SLC25A21: variants seen among roughly 807,000 people sequenced by gnomAD.
The protein encoded by SLC25A21 is solute carrier family 25 member 21.
A neutral mutation model predicts 43.8 loss-of-function variants in SLC25A21; 47 were observed. That is an observed-to-expected ratio of 1.07 (90% CI 0.85 to 1.37). SLC25A21 has a LOEUF of 1.37. Ranked by LOEUF, SLC25A21 falls within the 40% of genes most tolerant of loss-of-function variation. The pLI, the probability that SLC25A21 is intolerant of heterozygous loss-of-function variation, is 0.00. For missense variants in SLC25A21, 352 were observed against 350.2 expected, an observed-to-expected ratio of 1.00 and a Z score of -0.04; for synonymous variants, 131 against 121.3, an observed-to-expected ratio of 1.08 and a Z score of -0.52.
At chr14:37,108,732 T>C (rs12893523) in intron 1 of SLC25A21, among the ~76,000 whole-genome samples, 1 of 128,708 alleles carries the variant, frequency 7.8e-6, no homozygotes, top group African/African-American at 3.0e-5. Context: ...TGTGTGTGTG[T>C]GTGTGTGCGT....
chr14:36,714,702 G>C (rs543436870), intron 6 of SLC25A21, among the ~76,000 whole-genome samples: 7 of 152,336 alleles, frequency 4.6e-5, no homozygotes, highest in African/African-American at 1.4e-4. Context: ...ATTATCATAC[G>C]TGCTCAGTAC....
rs112664606 is a variant in SLC25A21, at chr14:37,117,347, T to G, written c.70+54934A>C. On this transcript the variant is annotated intron_variant, in intron 1 of 9. Transcript: ENST00000331299. ...AAAAATTTATTCCCAGAGCACAGTT[T>G]ATTTACCATAAGATGTGGCTCAGTA... 2.0e-5 allele frequency among the ~76,000 whole-genome samples: 3 copies of G among 152,326 alleles called. 1 individual carries two copies. Among genetic ancestry groups the G allele is most frequent in the African/African-American group, 4.8e-5 (2 of 41,580 alleles).
At chr14:36,780,351 T>A (rs1197354406) in intron 3 of SLC25A21, among the ~76,000 whole-genome samples, 1 of 152,040 alleles carries the variant, frequency 6.6e-6, no homozygotes, top group Non-Finnish European at 1.5e-5. Context: ...TTGATCATTG[T>A]TATTTCATAG....
At chr14:37,024,831 A>G (rs1257024083) in intron 1 of SLC25A21, among the ~76,000 whole-genome samples, 2 of 152,062 alleles carry the variant, frequency 1.3e-5, no homozygotes, top group East Asian at 3.9e-4. Flanking sequence ...CTCCTTATTT[A>G]TATATATCTA....
At chr14:37,051,305 T>C (rs1377786459) in intron 1 of SLC25A21, among the ~76,000 whole-genome samples, 2 of 152,148 alleles carry the variant, frequency 1.3e-5, no homozygotes, top group Non-Finnish European at 2.9e-5. Context: ...TGTGACAGAC[T>C]AGGGGCTTGG....
intron 3 of SLC25A21, chr14:36,809,117 G>A (rs7144852): frequency 0.42 from 63,580 of 152,026 alleles, 13,745 homozygotes; most frequent in East Asian, 0.69. Context: ...TGTTTGCCAG[G>A]TGAGTTTACA....
At chr14:36,756,590 T>C (rs1374884664) in intron 3 of SLC25A21, among the ~76,000 whole-genome samples, 1 of 152,180 alleles carries the variant, frequency 6.6e-6, no homozygotes, top group East Asian at 1.9e-4. Flanking sequence ...TGCCTACCCA[T>C]TTCCCTTGGC....
intron 3 of SLC25A21, among the ~76,000 whole-genome samples, chr14:36,779,371 C>A (rs112982364): frequency 9.8e-5 from 14 of 142,916 alleles, no homozygotes; most frequent in East Asian, 2.0e-4. Flanking sequence ...ATATCTCTCT[C>A]TATATATACA....
Position 37,085,159 on chromosome 14 carries a change from T to C in SLC25A21, c.70+87122A>G, listed in dbSNP as rs551685343. 2.6e-5 allele frequency among the ~76,000 whole-genome samples: 4 copies of C among 152,290 alleles called. No homozygotes were observed. The South Asian group carries it at 8.3e-4, about 32-fold the overall frequency. On this transcript the variant is annotated intron_variant, in intron 1 of 9. Coordinates refer to ENST00000331299, the MANE Select transcript of SLC25A21 (RefSeq NM_030631.4). ...AAGAAATGCCACTGTTGCTCCTTAT[T>C]ATTTAGATTTTTGCTCAAATAGTGG...
At chr14:36,821,196 C>T (rs116376521) in intron 2 of SLC25A21, among the ~76,000 whole-genome samples, 2 of 152,120 alleles carry the variant, frequency 1.3e-5, no homozygotes, top group Admixed American at 6.5e-5. Flanking sequence ...GAATTCCCAC[C>T]ATGTATGTTT....
chr14:36,921,582 G>C (rs964700285), intron 1 of SLC25A21, among the ~76,000 whole-genome samples: 5 of 152,098 alleles, frequency 3.3e-5, no homozygotes, highest in Admixed American at 6.6e-5. Flanking sequence ...AGACCGAAAA[G>C]AGTCCATACA....
At position 36,678,006 on chromosome 14, in the gene SLC25A21, G is replaced by T. The variant is rs1881982956; in HGVS notation, c.*2652C>A. On this transcript the variant is annotated 3_prime_UTR_variant, in exon 10 of 10. Transcript: ENST00000331299. ...TTAAAAATATGTTTTTAGGACATTG[G>T]TACAATTCAGCTGTTGGAAAATTAA... 6.5e-6 allele frequency: 1 copy of T among 153,806 alleles called. No homozygotes were observed. The highest frequency in any genetic ancestry group is 2.4e-5 in the African/African-American group (1 of 41,494). 9.5% of individuals were successfully genotyped at this position (153,806 alleles called of 1,614,324 possible). A position where few individuals can be genotyped will look rare whatever the true frequency, so the allele number is the denominator to read the frequency against.
chr14:36,955,120 G>C (rs1959300844), intron 1 of SLC25A21, among the ~76,000 whole-genome samples: 1 of 152,130 alleles, frequency 6.6e-6, no homozygotes, highest in African/African-American at 2.4e-5. Flanking sequence ...GCCTAGTGTA[G>C]ACATTCAATA....
rs1397904925 is a variant in SLC25A21, at chr14:36,776,234, C to CTT, written c.203+37682_203+37683dup. ...CTTTCTTTTTTCTTTTTCTTTCTTT[C>CTT]TTTCTTTTTTTTTTTTTTTTGAGAT... is the stretch of plus-strand genomic sequence containing the variant. On this transcript the variant is annotated intron_variant, in intron 3 of 9. Transcript: ENST00000331299. Among the ~76,000 whole-genome samples the CTT allele has an allele frequency of 3.2e-3, 242 of 75,732 alleles. 10 individuals carry two copies. The highest frequency in any genetic ancestry group is 0.013 in the African/African-American group (226 of 17,548). 49.7% of individuals were successfully genotyped at this position (75,732 alleles called of 152,430 possible).
intron 3 of SLC25A21, among the ~76,000 whole-genome samples, chr14:36,790,046 T>C (rs1355884689): frequency 6.8e-6 from 1 of 147,488 alleles, no homozygotes; most frequent in Non-Finnish European, 1.5e-5. Context: ...GAGAAAGGTA[T>C]GCATAAAGTA....
rs112989694 is a variant in SLC25A21 at position 37,014,693 on chromosome 14, T to C, written c.71-139689A>G. ...AGGTTTTCAACTTATTTTGCCCAGA[T>C]CCATCAGAAGAATCACTATCTATGG... On this transcript the variant is annotated intron_variant, in intron 1 of 9. Transcript: ENST00000331299. Among the ~76,000 whole-genome samples the C allele has an allele frequency of 1.4e-3, 209 of 152,276 alleles. 5 individuals are homozygous for C. Among genetic ancestry groups the C allele is most frequent in the African/African-American group, 4.4e-3 (183 of 41,566 alleles).
At chr14:36,922,387 A>G (rs866408020) in intron 1 of SLC25A21, among the ~76,000 whole-genome samples, 11 of 152,130 alleles carry the variant, frequency 7.2e-5, no homozygotes, top group African/African-American at 2.7e-4. Flanking sequence ...AAAAACAGGA[A>G]GGGACAACCC....
chr14:36,862,420 T>C (rs1417566570), intron 2 of SLC25A21, among the ~76,000 whole-genome samples: 3 of 152,224 alleles, frequency 2.0e-5, no homozygotes, highest in Non-Finnish European at 2.9e-5. Context: ...CATGGAATAC[T>C]ATGCAGCCAT....
chr14:36,711,578 G>C (rs1191059021), intron 6 of SLC25A21, 96 bp from the exon 7 acceptor site: 6 of 1,365,910 alleles, frequency 4.4e-6, no homozygotes, highest in East Asian at 4.9e-5. Context: ...AGAATTATTA[G>C]GGACTTTTTT....
Sources: allele counts gnomAD v4.1 joint callset (sites outside exome capture counted in the v4.1 genomes callset), GRCh38; gene constraint gnomAD v4.1.1; transcripts MANE v1.5; gene names NCBI Gene and HGNC (gene_info 2026-07-23, HGNC 2026-07-21).